Variants in CSF2RA observed in about 807,000 individuals in gnomAD.
CSF2RA encodes the protein granulocyte-macrophage colony-stimulating factor receptor subunit alpha.
CSF2RA carries 42 observed loss-of-function variants against 51.6 expected under a neutral mutation model. The ratio of observed to expected loss-of-function variants is 0.81; its 90% CI spans 0.64 to 1.05. The LOEUF is 1.05. Among genes scored for constraint, CSF2RA ranks in the 50% least tolerant of loss-of-function variants. The pLI is 0.00. For synonymous variants in CSF2RA, 222 were observed against 193.0 expected (o/e 1.15, Z -1.24); for missense variants, 530 against 501.1 (o/e 1.06, Z -0.55).
At position 1,285,762 on chromosome X, in the gene CSF2RA, T is replaced by C. The variant is rs200837432; in HGVS notation, c.77-16T>C. ...AGAAAAGAGGAAATTCTGAACCCAG[T>C]GCCCGCTCCTTGCAGATCTGCGAAC... is the stretch of plus-strand genomic sequence containing the variant. On this transcript the variant is annotated splice_polypyrimidine_tract_variant and intron_variant, in intron 3 of 12. Transcript: ENST00000381529. 1,434 of 1,561,948 alleles carry C rather than the reference T, an allele frequency of 9.2e-4. 7 individuals carry two copies. The highest frequency in any genetic ancestry group is 8.1e-3 in the Middle Eastern group (43 of 5,292).
chrX:1,290,321 C>A lies in CSF2RA; in HGVS notation c.474-16C>A. Reference sequence around the variant, plus strand: ...TGTTTTCCTGATTGCTCTCTGAGCACTTTCTAATCTTTCAGGAGAAGGAGG... The same window carrying A: ...TGTTTTCCTGATTGCTCTCTGAGCAATTTCTAATCTTTCAGGAGAAGGAGG... On this transcript the variant is annotated splice_polypyrimidine_tract_variant and intron_variant, in intron 6 of 12. Coordinates refer to ENST00000381529, the MANE Select transcript of CSF2RA (RefSeq NM_172245.4). 1.2e-6 allele frequency: 2 copies of A among 1,610,120 alleles called. No individual in the cohort carries two copies. The highest frequency in any genetic ancestry group is 1.7e-6 in the Non-Finnish European group (2 of 1,176,622).
At chrX:1,283,084 C>A (rs1305241124) in intron 3 of CSF2RA, among the ~76,000 whole-genome samples, 1 of 151,872 alleles carries the variant, frequency 6.6e-6, no homozygotes. Context: ...CTGCATGGGG[C>A]CAAAGTGTTC....
chrX:1,299,015 C>T (rs1180391615), intron 9 of CSF2RA, among the ~76,000 whole-genome samples: 25 of 152,148 alleles, frequency 1.6e-4, no homozygotes, highest in Admixed American at 1.6e-3. Context: ...CCAGTGTGGC[C>T]CAGGGGTGGA....
chrX:1,304,018 A>C lies in CSF2RA; in HGVS notation c.1042A>C (p.Arg348=). The C allele has an allele frequency of 6.2e-7, 1 of 1,612,092 alleles. No individual in the cohort carries two copies. Residue 348 remains arginine (R), a splice_region_variant and synonymous_variant, in exon 11 of 13, where the codon AGG becomes CGG. Coordinates refer to ENST00000381529, the MANE Select transcript of CSF2RA (RefSeq NM_172245.4). ...CATCGTCCTCGGCTTCCTCTTTAAA[A>C]GGTAACCTGTGAAACACCTGGGCCT... is the stretch of plus-strand genomic sequence containing the variant. ...CGIVLGFLFK[R]FLRIQRLFPP...
At chrX:1,316,095 A>C in the CSF2RA span, among the ~76,000 whole-genome samples, 84 of 147,828 alleles carry the variant, frequency 5.7e-4, no homozygotes, top group African/African-American at 1.9e-3. Context: ...ATAAATGGAT[A>C]GATAGACACA....
At chrX:1,316,260 T>TATA in the CSF2RA span, among the ~76,000 whole-genome samples, 2 of 94,192 alleles carry the variant, frequency 2.1e-5, no homozygotes, top group South Asian at 7.9e-4. Flanking sequence ...ATTAGATAGA[T>TATA]GATAGATAGA....
At position 1,281,182 on chromosome X, in the gene CSF2RA, T is replaced by TAC. The variant is rs775925752; in HGVS notation, c.-26-1496_-26-1495insAC. 3.2e-4 allele frequency among the ~76,000 whole-genome samples: 39 copies of TAC among 121,138 alleles called. No individual in the cohort carries two copies. In the East Asian group the frequency reaches 0.011, roughly 34 times the overall value. The allele number at this position is 121,138 out of a possible 152,430, so 79.5% of individuals were successfully genotyped here. ...CTCCTCCTACTCCTCCTTCTCCTCC[T>TAC]TCTCCTTCTCCTCCTTCTCCTACTC... On this transcript the variant is annotated intron_variant, in intron 2 of 12. Coordinates refer to ENST00000381529, the MANE Select transcript of CSF2RA (RefSeq NM_172245.4).
intron 10 of CSF2RA, chrX:1,302,906 C>G (rs1325508506): frequency 1.7e-5 from 4 of 235,066 alleles, no homozygotes; most frequent in Middle Eastern, 1.3e-3. Flanking sequence ...GGGTCTCACT[C>G]TGTCACCCAG....
At chrX:1,312,050 G>A (rs1439159212), downstream of CSF2RA, among the ~76,000 whole-genome samples, 6 of 151,960 alleles carry the variant, frequency 3.9e-5, no homozygotes, top group East Asian at 1.9e-4. Flanking sequence ...TCCACCTCCC[G>A]GGTTCAGGCA....
chrX:1,293,179 A>G (rs2091559683), intron 7 of CSF2RA, among the ~76,000 whole-genome samples: 1 of 151,780 alleles, frequency 6.6e-6, no homozygotes, highest in Non-Finnish European at 1.5e-5. Context: ...CTTCCTTTCT[A>G]CATAGACACA....
the CSF2RA span, among the ~76,000 whole-genome samples, chrX:1,316,871 C>G: frequency 6.6e-6 from 1 of 152,226 alleles, no homozygotes; most frequent in South Asian, 2.1e-4. Context: ...AACACGCTTG[C>G]CCCCCTAACG....
chrX:1,295,687 G>T (rs2091873770), intron 9 of CSF2RA: 2 of 537,272 alleles, frequency 3.7e-6, no homozygotes, highest in Non-Finnish European at 6.6e-6. Context: ...TAACCCTACA[G>T]TCCCCTACTC....
intron 6 of CSF2RA, among the ~76,000 whole-genome samples, chrX:1,289,819 GTTTTGTGTT>G (rs1432905867): frequency 1.7e-5 from 2 of 117,784 alleles, no homozygotes; most frequent in Admixed American, 1.6e-4. Context: ...GTTTTGTTTT[GTTTTGTGTT>G]TGTTTTTGTT....
intron 4 of CSF2RA, among the ~76,000 whole-genome samples, chrX:1,287,398 C>A (rs772210891): frequency 6.7e-6 from 1 of 150,274 alleles, no homozygotes; most frequent in Non-Finnish European, 1.5e-5. Context: ...GTGATCCACC[C>A]TCCTTGGCCT....
downstream of CSF2RA, among the ~76,000 whole-genome samples, chrX:1,312,611 G>C (rs1259890261): frequency 5.9e-5 from 9 of 152,152 alleles, no homozygotes; most frequent in Non-Finnish European, 1.2e-4. Flanking sequence ...CCCACGATCA[G>C]TGAGTAATTC....
chrX:1,316,855 G>C, the CSF2RA span, among the ~76,000 whole-genome samples: 1 of 152,244 alleles, frequency 6.6e-6, no homozygotes, highest in African/African-American at 2.4e-5. Context: ...TTGAGGGCGT[G>C]GGGCCAACAC....
the CSF2RA span, among the ~76,000 whole-genome samples, chrX:1,322,901 A>G: frequency 0.015 from 2,227 of 149,330 alleles, 52 homozygotes; most frequent in African/African-American, 0.053. Flanking sequence ...AGGCCAAGAC[A>G]GGCAGATCAC....
intron 9 of CSF2RA, among the ~76,000 whole-genome samples, chrX:1,296,221 G>A (rs1286517587): frequency 1.3e-5 from 2 of 148,464 alleles, no homozygotes; most frequent in African/African-American, 2.5e-5. Flanking sequence ...ATGACCTCTG[G>A]CGGAACCCTA....
chrX:1,314,845 C>T (rs1362246039), downstream of CSF2RA, among the ~76,000 whole-genome samples: 16 of 101,384 alleles, frequency 1.6e-4, no homozygotes, highest in Middle Eastern at 5.2e-3. Flanking sequence ...CTGCACCTGC[C>T]CAATCCCACT....
Sources: gnomAD v4.1 joint callset for allele counts (sites outside exome capture counted in the v4.1 genomes callset) on GRCh38, gnomAD v4.1.1 for gene constraint, MANE v1.5 for transcripts, NCBI Gene and HGNC (gene_info 2026-07-23, HGNC 2026-07-21) for gene names.